Variants in NKAIN3 observed in about 807,000 individuals in gnomAD.
NKAIN3 encodes sodium/potassium transporting ATPase interacting 3, also known as sodium/potassium-transporting ATPase subunit beta-1-interacting protein 3.
NKAIN3 carries 25 observed loss-of-function variants against 30.2 expected under a neutral mutation model. The ratio of observed to expected loss-of-function variants is 0.83; its 90% CI spans 0.60 to 1.16. The LOEUF is 1.16. NKAIN3 is among the 50% of genes most tolerant of loss of function. The pLI, the probability that NKAIN3 is intolerant of heterozygous loss-of-function variation, is 0.00. For missense variants in NKAIN3, 225 were observed against 254.1 expected (o/e 0.89, Z 0.78); for synonymous variants, 91 against 89.6 (o/e 1.02, Z -0.09).
intron 4 of NKAIN3, among the ~76,000 whole-genome samples, chr8:62,806,199 G>A (rs377187534): frequency 3.9e-5 from 6 of 152,200 alleles, no homozygotes; most frequent in East Asian, 3.8e-4. Context: ...CTTTTACACT[G>A]TTGGTGGGAC....
intron 6 of NKAIN3, among the ~76,000 whole-genome samples, chr8:62,956,090 GT>G (rs1823410463): frequency 6.6e-6 from 1 of 152,134 alleles, no homozygotes. Context: ...GTCAGTATCT[GT>G]ACTCTTCACC....
At chr8:62,938,807 C>T (rs1822863287) in intron 5 of NKAIN3, among the ~76,000 whole-genome samples, 1 of 152,130 alleles carries the variant, frequency 6.6e-6, no homozygotes, top group African/African-American at 2.4e-5. Context: ...GAGAAGGAAC[C>T]AGAAGAATAA....
chr8:62,557,189 TTAGAGCAA>T (rs1395694255), intron 1 of NKAIN3, among the ~76,000 whole-genome samples: 1 of 152,084 alleles, frequency 6.6e-6, no homozygotes. Context: ...GTTACTTCAC[TTAGAGCAA>T]TAGTCTCCAG....
At chr8:62,814,986 A>G (rs974730697) in intron 4 of NKAIN3, among the ~76,000 whole-genome samples, 5 of 152,168 alleles carry the variant, frequency 3.3e-5, no homozygotes, top group African/African-American at 1.2e-4. Flanking sequence ...ACTGCTAGCA[A>G]GACTAATAGA....
intron 1 of NKAIN3, among the ~76,000 whole-genome samples, chr8:62,435,561 T>C (rs1805144975): frequency 6.6e-6 from 1 of 152,184 alleles, no homozygotes; most frequent in Non-Finnish European, 1.5e-5. Context: ...AGGGGAGTTG[T>C]TGCTAAAAAA....
At chr8:62,751,268 A>G (rs1816274606) in intron 4 of NKAIN3, among the ~76,000 whole-genome samples, 1 of 152,104 alleles carries the variant, frequency 6.6e-6, no homozygotes, top group South Asian at 2.1e-4. Flanking sequence ...CCTAGCAGAC[A>G]TCTTCCCCCA....
intron 4 of NKAIN3, among the ~76,000 whole-genome samples, chr8:62,909,999 A>G (rs1171355393): frequency 6.6e-6 from 1 of 152,104 alleles, no homozygotes; most frequent in Non-Finnish European, 1.5e-5. Flanking sequence ...CTTGCTATAC[A>G]TTGTTCTGTT....
chr8:62,632,705 G>T (rs1812002231), intron 3 of NKAIN3, among the ~76,000 whole-genome samples: 1 of 152,004 alleles, frequency 6.6e-6, no homozygotes, highest in Non-Finnish European at 1.5e-5. Flanking sequence ...GTTTCACCAT[G>T]TTGGCCAGGC....
chr8:62,898,242 T>C (rs548553593), intron 4 of NKAIN3, among the ~76,000 whole-genome samples: 1 of 152,082 alleles, frequency 6.6e-6, no homozygotes, highest in East Asian at 1.9e-4. Flanking sequence ...AAAATCATTA[T>C]ATCAAAAAGA....
chr8:62,521,721 A>G (rs922519486), intron 1 of NKAIN3, among the ~76,000 whole-genome samples: 1 of 152,164 alleles, frequency 6.6e-6, no homozygotes, highest in African/African-American at 2.4e-5. Flanking sequence ...TTTCCCATTT[A>G]CTTCTGAAGA....
chr8:62,898,958 G>A lies in NKAIN3; in HGVS notation c.472-19495G>A, dbSNP rs572966324. On this transcript the variant is annotated intron_variant, in intron 4 of 6. Coordinates refer to ENST00000623646, the MANE Select transcript of NKAIN3 (RefSeq NM_001304533.3). The stretch of plus-strand genomic sequence containing the variant: ...ATTTCTTAAAAGAAAACATACAAAC[G>A]GGAAATAGACATATGAAAAAGTGTT... Among the ~76,000 whole-genome samples, 9 of 58,772 alleles carry A rather than the reference G, an allele frequency of 1.5e-4. No homozygotes were observed. In the East Asian group the frequency reaches 0.012, roughly 80 times the overall value. 38.6% of individuals were successfully genotyped at this position (58,772 alleles called of 152,430 possible). A position where few individuals can be genotyped will look rare whatever the true frequency, so the allele number is the denominator to read the frequency against.
intron 1 of NKAIN3, among the ~76,000 whole-genome samples, chr8:62,303,698 A>AATTG (rs1305485546): frequency 3.3e-5 from 5 of 150,700 alleles, no homozygotes; most frequent in African/African-American, 1.2e-4. Context: ...AAAATCAGAT[A>AATTG]ACTTCAAATT....
intron 1 of NKAIN3, among the ~76,000 whole-genome samples, chr8:62,454,615 CATT>C (rs147274719): frequency 0.03 from 4,522 of 152,232 alleles, 257 homozygotes; most frequent in African/African-American, 0.1. Context: ...TTCTCAGCAT[CATT>C]ATATCTAGAA....
intron 5 of NKAIN3, among the ~76,000 whole-genome samples, chr8:62,999,042 C>T (rs1181082286): frequency 6.6e-6 from 1 of 152,086 alleles, no homozygotes; most frequent in Non-Finnish European, 1.5e-5. Flanking sequence ...TGTGCAGGCC[C>T]TTTGCTCATT....
intron 4 of NKAIN3, among the ~76,000 whole-genome samples, chr8:62,777,881 T>G (rs1480607506): frequency 3.3e-5 from 5 of 152,120 alleles, no homozygotes; most frequent in African/African-American, 1.2e-4. Flanking sequence ...ATTGTTGAGA[T>G]CTAAGTTTTT....
chr8:62,380,877 C>T (rs938114306), intron 1 of NKAIN3, among the ~76,000 whole-genome samples: 7 of 152,048 alleles, frequency 4.6e-5, no homozygotes, highest in Non-Finnish European at 1.0e-4. Flanking sequence ...GAAATATGAG[C>T]TCGGTTGTAA....
At chr8:62,528,310 T>TA (rs1452837638) in intron 1 of NKAIN3, among the ~76,000 whole-genome samples, 4 of 89,864 alleles carry the variant, frequency 4.5e-5, no homozygotes, top group African/African-American at 8.1e-5. Context: ...TTATATTATA[T>TA]ATATATATTA....
chr8:62,329,585 T>C (rs1049078625), intron 1 of NKAIN3, among the ~76,000 whole-genome samples: 4 of 152,146 alleles, frequency 2.6e-5, no homozygotes, highest in Non-Finnish European at 5.9e-5. Flanking sequence ...AGTGAGAACA[T>C]GTGGCAGTTG....
At chr8:62,435,976 A>G (rs373716494) in intron 1 of NKAIN3, among the ~76,000 whole-genome samples, 2 of 152,320 alleles carry the variant, frequency 1.3e-5, no homozygotes, top group South Asian at 2.1e-4. Context: ...ATGCTTTAAC[A>G]CAATTAATTG....
Sources: allele counts gnomAD v4.1 joint callset (sites outside exome capture counted in the v4.1 genomes callset), GRCh38; gene constraint gnomAD v4.1.1; transcripts MANE v1.5; gene names NCBI Gene and HGNC (gene_info 2026-07-23, HGNC 2026-07-21).